OSBPL3: variants seen among roughly 807,000 people sequenced by gnomAD.
OSBPL3 encodes oxysterol binding protein like 3, also known as oxysterol-binding protein-related protein 3.
A neutral mutation model predicts 120.1 loss-of-function variants in OSBPL3; 65 were observed. The observed-to-expected ratio is 0.54, with a 90% CI of 0.44 to 0.67. The LOEUF is 0.67. Ranked by LOEUF, OSBPL3 falls within the 30% of genes least tolerant of loss-of-function variation. OSBPL3 has a pLI of 0.00. For missense variants in OSBPL3, 1,004 were observed against 1,082.1 expected, an observed-to-expected ratio of 0.93 and a Z score of 1.01; for synonymous variants, 416 against 402.6, an observed-to-expected ratio of 1.03 and a Z score of -0.40.
chr7:24,909,884 A>G (rs1214601911), intron 1 of OSBPL3, among the ~76,000 whole-genome samples: 1 of 140,420 alleles, frequency 7.1e-6, no homozygotes, highest in Non-Finnish European at 1.5e-5. Context: ...AGCTCACTGC[A>G]ACCTCTGCCT....
rs1203350760 is a variant in OSBPL3, at chr7:24,862,631, T to C, written c.870+569A>G. Among the ~76,000 whole-genome samples, 1 of 152,206 alleles carries C rather than the reference T, an allele frequency of 6.6e-6. No individual in the cohort carries two copies. The highest frequency in any genetic ancestry group is 2.4e-5 in the African/African-American group (1 of 41,460). ...GATTCTAAAACTGTTGCAATTAATA[T>C]GCAACAGTTAAGCTGCAAATCTTGG... On this transcript the variant is annotated intron_variant, in intron 9 of 22. Transcript: ENST00000313367. The surrounding 1 kb of genome is among the most constrained non-coding windows in gnomAD (Gnocchi z 4.4).
intron 1 of OSBPL3, among the ~76,000 whole-genome samples, chr7:24,975,061 A>G (rs1002895853): frequency 6.6e-6 from 1 of 152,250 alleles, no homozygotes; most frequent in Non-Finnish European, 1.5e-5. Context: ...CAATTCAGAA[A>G]GGGTCTTTCA....
intron 1 of OSBPL3, among the ~76,000 whole-genome samples, chr7:24,914,382 T>G (rs756365386): frequency 6.6e-6 from 1 of 151,996 alleles, no homozygotes; most frequent in Non-Finnish European, 1.5e-5. Flanking sequence ...AGTGAGCACA[T>G]GAAATGTGGC....
chr7:24,957,813 G>C (rs1206839682), intron 1 of OSBPL3, among the ~76,000 whole-genome samples: 1 of 152,070 alleles, frequency 6.6e-6, no homozygotes, highest in Admixed American at 6.6e-5. Flanking sequence ...TGTTCTCTCA[G>C]GAAGCAATTA....
Position 24,852,210 on chromosome 7 carries a change from C to T in OSBPL3, c.1158+294G>A, listed in dbSNP as rs561300879. 2.3e-4 allele frequency among the ~76,000 whole-genome samples: 35 copies of T among 152,090 alleles called. No homozygotes were observed. Among genetic ancestry groups the T allele is most frequent in the Admixed American group, 4.6e-4 (7 of 15,276 alleles). On this transcript the variant is annotated intron_variant, in intron 11 of 22. Coordinates refer to ENST00000313367, the MANE Select transcript of OSBPL3 (RefSeq NM_015550.4). The surrounding 1 kb of genome is among the most constrained non-coding windows in gnomAD (Gnocchi z 4.1). ...TTAACAGAAAAATGTCTGTAAGACA[C>T]GCACACATACACACAAAAACGTACA...
At position 24,815,244 on chromosome 7, in the gene OSBPL3, A is replaced by G. The variant is rs1447697926; in HGVS notation, c.2028-41T>C. 6.4e-7 allele frequency: 1 copy of G among 1,552,654 alleles called. No individual in the cohort carries two copies. The highest frequency in any genetic ancestry group is 8.8e-7 in the Non-Finnish European group (1 of 1,130,700). ...AAGTAGAAGTACCAATTTCTAGAAG[A>G]GCCAGCAGCAAATGCAAACAAACTC... On this transcript the variant is annotated intron_variant, in intron 18 of 22. Coordinates refer to ENST00000313367, the MANE Select transcript of OSBPL3 (RefSeq NM_015550.4). This position sits in a 1 kb window ranked among gnomAD's most constrained non-coding sequence, Gnocchi z 5.1.
At chr7:24,901,165 A>G (rs1033117547) in intron 1 of OSBPL3, among the ~76,000 whole-genome samples, 6 of 152,222 alleles carry the variant, frequency 3.9e-5, no homozygotes, top group Admixed American at 1.3e-4. Context: ...TGTCTCTACT[A>G]AAAATACAAA....
chr7:24,899,798 C>A lies in OSBPL3; in HGVS notation c.-149-7177G>T, dbSNP rs182529582. 7.9e-5 allele frequency among the ~76,000 whole-genome samples: 12 copies of A among 152,362 alleles called. No homozygotes were observed. The highest frequency in any genetic ancestry group is 7.8e-4 in the Admixed American group (12 of 15,308). ...TCAAAGTGTCCAGATCCACCTTCTT[C>A]AAAGTCTTCCGGATTCTTATTTAAG... On this transcript the variant is annotated intron_variant, in intron 1 of 22. Transcript: ENST00000313367. The surrounding 1 kb of genome is among the most constrained non-coding windows in gnomAD (Gnocchi z 4.0).
At chr7:24,848,996 T>A in intron 12 of OSBPL3, 73 bp downstream of exon 12, 1 of 1,044,154 alleles carries the variant, frequency 9.6e-7, no homozygotes, top group Non-Finnish European at 1.5e-6. Context: ...AGGGAGGTCG[T>A]GCAATGGGAC....
Position 24,820,536 on chromosome 7 carries a change from T to C in OSBPL3, c.1885-298A>G, listed in dbSNP as rs536190457. ...GGATAGAGGCGCATTTTGAAAGACA[T>C]AAAAATAAAAACGGAGACATGTGAG... On this transcript the variant is annotated intron_variant, in intron 16 of 22. Transcript: ENST00000313367. This position sits in a 1 kb window ranked among gnomAD's most constrained non-coding sequence, Gnocchi z 4.6. Among the ~76,000 whole-genome samples the C allele has an allele frequency of 3.4e-4, 52 of 152,212 alleles. No individual in the cohort carries two copies. The highest frequency in any genetic ancestry group is 3.4e-3 in the Middle Eastern group (1 of 294).
intron 1 of OSBPL3, among the ~76,000 whole-genome samples, chr7:24,914,893 C>T (rs142533265): frequency 6.5e-4 from 99 of 152,262 alleles, no homozygotes; most frequent in African/African-American, 2.1e-3. Flanking sequence ...ACAACTTCAA[C>T]TGGAAATCGT....
chr7:24,909,168 T>C (rs562786604), intron 1 of OSBPL3, among the ~76,000 whole-genome samples: 1 of 152,344 alleles, frequency 6.6e-6, no homozygotes, highest in South Asian at 2.1e-4. Flanking sequence ...TTTGGTAAGT[T>C]AGCATGCATG....
In OSBPL3 at chr7:24,863,076, G is replaced by A. The variant is rs1459680729; in HGVS notation, c.870+124C>T. 9 of 705,050 alleles carry A rather than the reference G, an allele frequency of 1.3e-5. 1 individual carries two copies. The highest frequency in any genetic ancestry group is 2.3e-5 in the Non-Finnish European group (9 of 389,800). 43.7% of individuals were successfully genotyped at this position (705,050 alleles called of 1,614,324 possible). ...AATTCATCTCGCTACAGAGGACACT[G>A]GAAAGAACAACTACAGAATATTCAC... On this transcript the variant is annotated intron_variant, in intron 9 of 22. Coordinates refer to ENST00000313367, the MANE Select transcript of OSBPL3 (RefSeq NM_015550.4). This position sits in a 1 kb window ranked among gnomAD's most constrained non-coding sequence, Gnocchi z 5.8.
At chr7:24,823,507 A>C (rs558447270) in intron 16 of OSBPL3, among the ~76,000 whole-genome samples, 2 of 152,288 alleles carry the variant, frequency 1.3e-5, no homozygotes, top group South Asian at 2.1e-4. Context: ...TGAGTGATAA[A>C]GGTAGCACTC....
At position 24,831,307 on chromosome 7, in the gene OSBPL3, A is replaced by T. The variant is rs1796335929; in HGVS notation, c.1747-402T>A. Among the ~76,000 whole-genome samples, 1 of 152,118 alleles carries T rather than the reference A, an allele frequency of 6.6e-6. No individual in the cohort carries two copies. Among genetic ancestry groups the T allele is most frequent in the Non-Finnish European group, 1.5e-5 (1 of 68,024 alleles). On this transcript the variant is annotated intron_variant, in intron 15 of 22. Transcript: ENST00000313367. The surrounding 1 kb of genome is among the most constrained non-coding windows in gnomAD (Gnocchi z 4.0). ...GAAAGAGTATTAAAAAAGGAGTGTT[A>T]AAAAATCCCTCCAAAACTCAGGAAT...
At chr7:24,888,893 C>A (rs544878952) in intron 2 of OSBPL3, among the ~76,000 whole-genome samples, 2 of 152,278 alleles carry the variant, frequency 1.3e-5, no homozygotes, top group Admixed American at 6.5e-5. Context: ...CCTGGCAATA[C>A]TGGATGAGAA....
chr7:24,979,049 G>A (rs1320516539), intron 1 of OSBPL3, among the ~76,000 whole-genome samples: 2 of 152,198 alleles, frequency 1.3e-5, no homozygotes, highest in African/African-American at 4.8e-5. Flanking sequence ...GCGCTAAGAG[G>A]CTGCCTGGGA....
At chr7:24,906,896 C>T (rs189581509) in intron 1 of OSBPL3, among the ~76,000 whole-genome samples, 1 of 152,164 alleles carries the variant, frequency 6.6e-6, no homozygotes, top group Non-Finnish European at 1.5e-5. Context: ...TACCCCCACA[C>T]TCCAGTCCCC....
In OSBPL3 at chr7:24,938,634, C is replaced by T. The variant is rs1812695761; in HGVS notation, c.-150+41252G>A. On this transcript the variant is annotated intron_variant, in intron 1 of 22. Transcript: ENST00000313367. The surrounding 1 kb of genome is among the most constrained non-coding windows in gnomAD (Gnocchi z 5.8). ...AAGAGCAAAAGGGTATACCTCCCAG[C>T]TGAAGTTGTTTGTTTGTTTGTTTGT... is the stretch of plus-strand genomic sequence containing the variant. 6.7e-6 allele frequency among the ~76,000 whole-genome samples: 1 copy of T among 149,768 alleles called. No homozygotes were observed. The highest frequency in any genetic ancestry group is 1.5e-5 in the Non-Finnish European group (1 of 66,682).
Sources: allele counts gnomAD v4.1 joint callset (sites outside exome capture counted in the v4.1 genomes callset), GRCh38; gene constraint gnomAD v4.1.1; non-coding constraint Gnocchi (gnomAD v3.1); transcripts MANE v1.5; gene names NCBI Gene and HGNC (gene_info 2026-07-23, HGNC 2026-07-21).